Variants in STK32B observed in about 807,000 individuals in gnomAD.
STK32B encodes the protein serine/threonine kinase 32B.
Under a neutral mutation model 52.6 loss-of-function variants are expected in STK32B, and 43 were observed. That is an observed-to-expected ratio of 0.82 (90% CI 0.64 to 1.05). The LOEUF (loss-of-function observed/expected upper bound fraction) is 1.05, where lower values mean the gene tolerates loss of function less well. Ranked by LOEUF, STK32B falls within the 50% of genes least tolerant of loss-of-function variation. The pLI, the probability that STK32B is intolerant of heterozygous loss-of-function variation, is 0.00. For synonymous variants in STK32B, 238 were observed against 204.3 expected (o/e 1.17, Z -1.41); for missense variants, 621 against 534.6 (o/e 1.16, Z -1.59).
intron 1 of STK32B, among the ~76,000 whole-genome samples, chr4:5,101,325 A>G (rs1181682254): frequency 1.3e-5 from 2 of 152,138 alleles, no homozygotes; most frequent in African/African-American, 4.8e-5. Flanking sequence ...ACATTGATTT[A>G]GGGATGGATG....
At chr4:5,208,005 T>A (rs1722680307) in intron 3 of STK32B, among the ~76,000 whole-genome samples, 1 of 152,196 alleles carries the variant, frequency 6.6e-6, no homozygotes, top group African/African-American at 2.4e-5. Flanking sequence ...TCAGTCAGGA[T>A]GGGCTAAGCT....
At chr4:5,251,238 G>C (rs566035465) in intron 3 of STK32B, among the ~76,000 whole-genome samples, 70 of 152,238 alleles carry the variant, frequency 4.6e-4, no homozygotes, top group South Asian at 1.0e-3. Flanking sequence ...TTTTGTATAT[G>C]GTGTAAGGAA....
At chr4:5,187,845 G>T (rs983378691) in intron 3 of STK32B, among the ~76,000 whole-genome samples, 1 of 152,194 alleles carries the variant, frequency 6.6e-6, no homozygotes, top group African/African-American at 2.4e-5. Context: ...CTGTGAGTTA[G>T]GCCCAAAGCT....
At position 5,466,854 on chromosome 4, in the gene STK32B, C is replaced by G; in HGVS notation, c.1041+20C>G. Reference sequence around the variant, plus strand: ...CCGCTGGTGAGTGCTTCGTGGGAGCCGTTCCGGGAGAGAAATCCTGTGCTC... The same window carrying G: ...CCGCTGGTGAGTGCTTCGTGGGAGCGGTTCCGGGAGAGAAATCCTGTGCTC... On this transcript the variant is annotated intron_variant, in intron 10 of 11. Transcript: ENST00000282908. 6.2e-7 allele frequency: 1 copy of G among 1,608,460 alleles called. No homozygotes were observed. The highest frequency in any genetic ancestry group is 8.5e-7 in the Non-Finnish European group (1 of 1,177,468).
chr4:5,366,744 T>C (rs1734903914), intron 4 of STK32B, among the ~76,000 whole-genome samples: 1 of 152,202 alleles, frequency 6.6e-6, no homozygotes. Flanking sequence ...TTTGTTGAGC[T>C]TGATGCCAGA....
chr4:5,135,224 A>G (rs983958306), intron 1 of STK32B, among the ~76,000 whole-genome samples: 1 of 152,266 alleles, frequency 6.6e-6, no homozygotes, highest in Non-Finnish European at 1.5e-5. Flanking sequence ...TTTATTAATT[A>G]AGATACCATG....
intron 1 of STK32B, among the ~76,000 whole-genome samples, chr4:5,103,471 T>C (rs1713932297): frequency 6.6e-6 from 1 of 152,268 alleles, no homozygotes; most frequent in Non-Finnish European, 1.5e-5. Flanking sequence ...TTTACTCATA[T>C]GATGCAGTTC....
chr4:5,137,285 C>T (rs1250619925), intron 1 of STK32B, among the ~76,000 whole-genome samples: 1 of 152,216 alleles, frequency 6.6e-6, no homozygotes, highest in African/African-American at 2.4e-5. Flanking sequence ...GACCTCTCCT[C>T]ATGGCAGCTG....
intron 4 of STK32B, among the ~76,000 whole-genome samples, chr4:5,360,896 T>C (rs1734503605): frequency 6.6e-6 from 1 of 152,210 alleles, no homozygotes; most frequent in Non-Finnish European, 1.5e-5. Flanking sequence ...TTTAAGAGTA[T>C]TAAGTCCATT....
chr4:5,489,526 C>T (rs186776853), intron 11 of STK32B, among the ~76,000 whole-genome samples: 92 of 152,202 alleles, frequency 6.0e-4, no homozygotes, highest in African/African-American at 2.0e-3. Flanking sequence ...ATAAAACTGT[C>T]TGATAAGTAA....
chr4:5,449,698 A>G (rs1715806984), intron 7 of STK32B, among the ~76,000 whole-genome samples: 1 of 152,172 alleles, frequency 6.6e-6, no homozygotes, highest in South Asian at 2.1e-4. Context: ...CGTCACTCAC[A>G]TCACCACCTG....
At chr4:5,090,496 C>G (rs1713016900) in intron 1 of STK32B, among the ~76,000 whole-genome samples, 2 of 151,516 alleles carry the variant, frequency 1.3e-5, no homozygotes, top group South Asian at 4.2e-4. Flanking sequence ...CTGCCTCAGC[C>G]TCCTGAGTAG....
At chr4:5,035,987 G>T in the STK32B span, among the ~76,000 whole-genome samples, 262 of 151,998 alleles carry the variant, frequency 1.7e-3, no homozygotes, top group South Asian at 7.9e-3. Flanking sequence ...TCGCCATGTT[G>T]TTCAGGCTGG....
At chr4:5,045,956 C>T in the STK32B span, among the ~76,000 whole-genome samples, 7 of 152,026 alleles carry the variant, frequency 4.6e-5, no homozygotes, top group Admixed American at 2.6e-4. Context: ...GAATAGGAGT[C>T]GAGAACTGTT....
intron 3 of STK32B, among the ~76,000 whole-genome samples, chr4:5,324,983 C>T (rs1051942941): frequency 1.8e-4 from 28 of 152,194 alleles, no homozygotes; most frequent in Non-Finnish European, 3.2e-4. Context: ...TGCTGCTGTG[C>T]GTGCGAGCCT....
chr4:5,217,377 G>A (rs1192657083), intron 3 of STK32B, among the ~76,000 whole-genome samples: 1 of 152,218 alleles, frequency 6.6e-6, no homozygotes, highest in African/African-American at 2.4e-5. Context: ...GAACAATGAA[G>A]GTGAAGGAGG....
the STK32B span, among the ~76,000 whole-genome samples, chr4:5,041,005 G>A: frequency 6.6e-6 from 1 of 152,198 alleles, no homozygotes; most frequent in Non-Finnish European, 1.5e-5. Flanking sequence ...GCCCATCCTT[G>A]ATGGAGACAT....
At chr4:5,328,947 C>G (rs2108950776) in intron 3 of STK32B, among the ~76,000 whole-genome samples, 1 of 152,208 alleles carries the variant, frequency 6.6e-6, no homozygotes, top group African/African-American at 2.4e-5. Context: ...GTGGCTCATG[C>G]CTATAATCCC....
intron 3 of STK32B, among the ~76,000 whole-genome samples, chr4:5,245,777 C>A (rs10015435): frequency 0.08 from 12,151 of 152,088 alleles, 707 homozygotes; most frequent in African/African-American, 0.16. Context: ...GGTGGTGACA[C>A]AATCTCTCAG....
Sources: allele counts gnomAD v4.1 joint callset (sites outside exome capture counted in the v4.1 genomes callset), GRCh38; gene constraint gnomAD v4.1.1; transcripts MANE v1.5; gene names NCBI Gene and HGNC (gene_info 2026-07-23, HGNC 2026-07-21).